RIMS1: variants seen among roughly 807,000 people sequenced by gnomAD.
RIMS1 encodes regulating synaptic membrane exocytosis protein 1.
Under a neutral mutation model 214.1 loss-of-function variants are expected in RIMS1, and 83 were observed. That is an observed-to-expected ratio of 0.39 (90% confidence interval 0.32 to 0.47). The LOEUF is 0.47. Ranked by LOEUF, RIMS1 falls within the 20% of genes least tolerant of loss-of-function variation. The pLI, the probability that RIMS1 is intolerant of heterozygous loss-of-function variation, is 0.99. For synonymous variants in RIMS1, 793 were observed against 786.8 expected, an observed-to-expected ratio of 1.01 and a Z score of -0.13; for missense variants, 2,050 against 2,161.8, an observed-to-expected ratio of 0.95 and a Z score of 1.03.
chr6:72,124,811 A>C (rs1409274246), intron 4 of RIMS1, among the ~76,000 whole-genome samples: 1 of 152,054 alleles, frequency 6.6e-6, no homozygotes, highest in East Asian at 1.9e-4. Flanking sequence ...TTCTCATGCC[A>C]TGGTTTTCAG....
intron 29 of RIMS1, among the ~76,000 whole-genome samples, chr6:72,335,328 T>C (rs2096803745): frequency 6.6e-6 from 1 of 152,006 alleles, no homozygotes; most frequent in Non-Finnish European, 1.5e-5. Flanking sequence ...GAACATTTAG[T>C]GTTTGGTTTT....
chr6:72,077,220 G>A (rs1307472465), intron 2 of RIMS1, among the ~76,000 whole-genome samples: 1 of 152,172 alleles, frequency 6.6e-6, no homozygotes, highest in Non-Finnish European at 1.5e-5. Flanking sequence ...CCTACCCCTA[G>A]CCAGGGGCGT....
At chr6:72,058,414 G>A (rs1048165315) in intron 2 of RIMS1, among the ~76,000 whole-genome samples, 1 of 152,186 alleles carries the variant, frequency 6.6e-6, no homozygotes, top group Non-Finnish European at 1.5e-5. Flanking sequence ...TCTTGATTAC[G>A]TGGTTTGATT....
Position 72,163,061 on chromosome 6 carries a change from A to G in RIMS1, c.472-16514A>G, listed in dbSNP as rs918639472. Among the ~76,000 whole-genome samples, 23 of 135,232 alleles carry G rather than the reference A, an allele frequency of 1.7e-4. 2 individuals carry two copies. Among genetic ancestry groups the G allele is most frequent in the African/African-American group, 5.2e-4 (21 of 40,404 alleles). The allele number at this position is 135,232 out of a possible 152,430, so 88.7% of individuals were successfully genotyped here. On this transcript the variant is annotated intron_variant, in intron 4 of 33. Transcript: ENST00000521978. ...AGATTTGGTCTTTTCACATAGTCCC[A>G]TATTTCTTGGAGGCTTTGTTCATTT...
chr6:72,108,009 TTGTTTTGTTTTATTG>T lies in RIMS1; in HGVS notation c.471+8035_471+8049del, dbSNP rs2035125127. Among the ~76,000 whole-genome samples, 3 of 152,084 alleles carry T rather than the reference TTGTTTTGTTTTATTG, an allele frequency of 2.0e-5. No homozygotes were observed. In the South Asian group the frequency reaches 6.2e-4, roughly 32 times the overall value. ...TGTTTTTTTGTTTGTTTGTTTTGTT[TTGTTTTGTTTTATTG>T]TGTTTTGTTTTTGAGACAGGGTCTC... On this transcript the variant is annotated intron_variant, in intron 4 of 33. Coordinates refer to ENST00000521978, the MANE Select transcript of RIMS1 (RefSeq NM_014989.7).
At chr6:72,226,161 G>A in intron 6 of RIMS1, among the ~76,000 whole-genome samples, 1 of 152,068 alleles carries the variant, frequency 6.6e-6, no homozygotes. Flanking sequence ...TTGTGTGTTT[G>A]TTGTTCAAGT....
intron 1 of RIMS1, among the ~76,000 whole-genome samples, chr6:71,930,936 G>A (rs1249211230): frequency 6.6e-6 from 1 of 151,896 alleles, no homozygotes; most frequent in Non-Finnish European, 1.5e-5. Flanking sequence ...GCCTCATATT[G>A]ACCCTTTTAT....
chr6:72,304,331 C>A (rs1221606919), intron 26 of RIMS1, among the ~76,000 whole-genome samples: 1 of 151,450 alleles, frequency 6.6e-6, no homozygotes, highest in African/African-American at 2.4e-5. Context: ...TTTTAAATGA[C>A]AGTAATCTTT....
chr6:72,126,110 G>T (rs1483357826), intron 4 of RIMS1, among the ~76,000 whole-genome samples: 2 of 152,084 alleles, frequency 1.3e-5, no homozygotes, highest in Admixed American at 1.3e-4. Flanking sequence ...TTCCTATTCG[G>T]CCATCTTGGA....
rs1008144029 is a variant in RIMS1 at position 72,323,453 on chromosome 6, T to TA, written c.4130+9789dup. On this transcript the variant is annotated intron_variant, in intron 28 of 33. Coordinates refer to ENST00000521978, the MANE Select transcript of RIMS1 (RefSeq NM_014989.7). ...AAAAATTAAATTATAATTTAAAAAT[T>TA]AAAAAAAAGTAATAGTGGGTTTAAT... Among the ~76,000 whole-genome samples, 12 of 151,384 alleles carry TA rather than the reference T, an allele frequency of 7.9e-5. No individual in the cohort carries two copies. The South Asian group carries it at 1.0e-3, about 13-fold the overall frequency.
intron 2 of RIMS1, among the ~76,000 whole-genome samples, chr6:71,977,552 A>T (rs1488807312): frequency 6.6e-6 from 1 of 152,160 alleles, no homozygotes; most frequent in African/African-American, 2.4e-5. Context: ...CTTCTCTTTT[A>T]ACAAAGGCCT....
intron 4 of RIMS1, among the ~76,000 whole-genome samples, chr6:72,111,468 G>A (rs1379429817): frequency 6.6e-6 from 1 of 152,064 alleles, no homozygotes; most frequent in Non-Finnish European, 1.5e-5. Context: ...AATATGAATT[G>A]CAGTTTTCTT....
intron 4 of RIMS1, chr6:72,156,078 TA>T: frequency 2.8e-6 from 1 of 361,626 alleles, no homozygotes; most frequent in South Asian, 2.1e-5. Flanking sequence ...CAGAAAATTA[TA>T]AATAGAAGTA....
chr6:72,338,336 G>A (rs900541301), intron 29 of RIMS1, among the ~76,000 whole-genome samples: 1 of 151,994 alleles, frequency 6.6e-6, no homozygotes, highest in African/African-American at 2.4e-5. Flanking sequence ...TTTCTCTGAT[G>A]GCCAGTGATG....
chr6:72,141,396 C>T (rs543938431), intron 4 of RIMS1, among the ~76,000 whole-genome samples: 2 of 152,026 alleles, frequency 1.3e-5, no homozygotes, highest in Non-Finnish European at 2.9e-5. Context: ...TTTAAATGTA[C>T]TTCCAGGTTT....
At chr6:72,196,883 G>T (rs923445099) in intron 6 of RIMS1, among the ~76,000 whole-genome samples, 2 of 151,870 alleles carry the variant, frequency 1.3e-5, no homozygotes, top group Non-Finnish European at 2.9e-5. Flanking sequence ...AGAGACATCA[G>T]ATTCAATGGA....
chr6:72,343,372 T>TTAG, intron 29 of RIMS1, among the ~76,000 whole-genome samples: 1 of 151,212 alleles, frequency 6.6e-6, no homozygotes, highest in Non-Finnish European at 1.5e-5. Flanking sequence ...AGCATGCATA[T>TTAG]TATTATTATT....
intron 5 of RIMS1, 110 bp from the exon 6 acceptor site, chr6:72,182,174 T>C: frequency 8.2e-7 from 1 of 1,224,248 alleles, no homozygotes; most frequent in Non-Finnish European, 1.1e-6. Flanking sequence ...CAAATCCCTA[T>C]AACTAATTAT....
At chr6:72,237,755 A>G (rs2064862602) in intron 8 of RIMS1, 68 bp from the exon 9 acceptor site, 11 of 1,118,388 alleles carry the variant, frequency 9.8e-6, no homozygotes, top group Non-Finnish European at 1.4e-5. Flanking sequence ...TGTAGGATTA[A>G]TTCCTCAAAC....
Sources: allele counts gnomAD v4.1 joint callset (sites outside exome capture counted in the v4.1 genomes callset), GRCh38; gene constraint gnomAD v4.1.1; transcripts MANE v1.5; gene names NCBI Gene and HGNC (gene_info 2026-07-23, HGNC 2026-07-21).